ASTN2: variants seen among roughly 807,000 people sequenced by gnomAD.
ASTN2 encodes astrotactin 2, also known as astrotactin-2.
ASTN2 carries 54 observed loss-of-function variants against 139.8 expected under a neutral mutation model. That is an observed-to-expected ratio of 0.39 (90% CI 0.31 to 0.48). The LOEUF is 0.48. Ranked by LOEUF, ASTN2 falls within the 20% of genes least tolerant of loss-of-function variation. The probability of loss-of-function intolerance (pLI) is 0.95; values close to 1 mark genes in which losing one functional copy is unlikely to be tolerated. For synonymous variants in ASTN2, 756 were observed against 719.5 expected (o/e 1.05, Z -0.81); for missense variants, 1,565 against 1,725.1 (o/e 0.91, Z 1.64).
chr9:117,117,840 T>C (rs1165512401), intron 4 of ASTN2, among the ~76,000 whole-genome samples: 2 of 152,164 alleles, frequency 1.3e-5, no homozygotes, highest in Non-Finnish European at 2.9e-5. Flanking sequence ...TCACACTCCA[T>C]CTTTCTTCAG....
At chr9:116,532,792 G>T (rs990619381) in intron 19 of ASTN2, among the ~76,000 whole-genome samples, 1 of 152,216 alleles carries the variant, frequency 6.6e-6, no homozygotes, top group Non-Finnish European at 1.5e-5. Flanking sequence ...AAGTCAGGTA[G>T]TGTGATGCCT....
chr9:116,487,650 T>G (rs1331141551), intron 19 of ASTN2, 150 bp from the exon 20 acceptor site: 5 of 843,006 alleles, frequency 5.9e-6, no homozygotes, highest in Non-Finnish European at 8.8e-6. Context: ...TGAAACAGAT[T>G]TGTATTTAGC....
Position 117,336,447 on chromosome 9 carries a change from G to A in ASTN2, c.443-44934C>T, listed in dbSNP as rs16934520. ...CTGGAACCCTGAGGAATCATCACCCGATGCAGCGCTTCCCTACAGGGACAA... is the reference window on the plus strand; with the variant it reads ...CTGGAACCCTGAGGAATCATCACCCAATGCAGCGCTTCCCTACAGGGACAA... On this transcript the variant is annotated intron_variant, in intron 1 of 22. Transcript: ENST00000313400. Among the ~76,000 whole-genome samples, 1,265 of 152,238 alleles carry A rather than the reference G, an allele frequency of 8.3e-3. 18 individuals carry two copies. Among genetic ancestry groups the A allele is most frequent in the African/African-American group, 0.029 (1,209 of 41,536 alleles).
chr9:117,059,410 G>A (rs879357514), intron 5 of ASTN2, among the ~76,000 whole-genome samples: 3 of 151,934 alleles, frequency 2.0e-5, no homozygotes, highest in Non-Finnish European at 2.9e-5. Context: ...TCAGGAGTTC[G>A]AGAGCAGCCT....
In ASTN2 at chr9:117,175,196, T is replaced by C. The variant is rs560321975; in HGVS notation, c.1016-33718A>G. ...TGTAATACAAGTGAAAAGATACAAT[T>C]TGCAACAGTTGCAGAAATAGTGATG... is the stretch of plus-strand genomic sequence containing the variant. On this transcript the variant is annotated intron_variant, in intron 3 of 22. Transcript: ENST00000313400. 2.0e-5 allele frequency among the ~76,000 whole-genome samples: 3 copies of C among 152,250 alleles called. No homozygotes were observed. The East Asian group carries it at 5.8e-4, about 29-fold the overall frequency.
chr9:117,096,492 G>T (rs561944285), intron 4 of ASTN2, among the ~76,000 whole-genome samples: 1 of 152,164 alleles, frequency 6.6e-6, no homozygotes, highest in Admixed American at 6.5e-5. Context: ...TACCTGGTCC[G>T]CAGTACATCC....
At chr9:117,303,173 A>G (rs1318315325) in intron 1 of ASTN2, among the ~76,000 whole-genome samples, 2 of 152,170 alleles carry the variant, frequency 1.3e-5, no homozygotes, top group Non-Finnish European at 2.9e-5. Flanking sequence ...TTGCTAGATC[A>G]TAAGAGTCTT....
chr9:117,241,780 A>G (rs1833214458), intron 2 of ASTN2, among the ~76,000 whole-genome samples: 1 of 152,078 alleles, frequency 6.6e-6, no homozygotes, highest in Non-Finnish European at 1.5e-5. Context: ...GGACTTGAGT[A>G]GGGTATCATA....
At chr9:116,829,799 A>T (rs1831751161) in intron 11 of ASTN2, among the ~76,000 whole-genome samples, 1 of 152,214 alleles carries the variant, frequency 6.6e-6, no homozygotes, top group African/African-American at 2.4e-5. Flanking sequence ...ATCACTGGTC[A>T]ATAAATGGTA....
At chr9:116,849,981 G>A (rs1475429818) in intron 11 of ASTN2, among the ~76,000 whole-genome samples, 4 of 152,082 alleles carry the variant, frequency 2.6e-5, no homozygotes, top group African/African-American at 4.8e-5. Flanking sequence ...TTGTTGCAGA[G>A]AGCAATTTAA....
chr9:117,180,653 A>G, intron 3 of ASTN2: 3 of 1,399,130 alleles, frequency 2.1e-6, no homozygotes, highest in Non-Finnish European at 2.9e-6. Context: ...TTGGACAGGA[A>G]GTAGAATTTA....
chr9:117,283,685 C>T (rs932022495), intron 2 of ASTN2, among the ~76,000 whole-genome samples: 5 of 152,156 alleles, frequency 3.3e-5, no homozygotes, highest in African/African-American at 1.2e-4. Flanking sequence ...GTTTGCCATC[C>T]TCACATTTTA....
intron 10 of ASTN2, among the ~76,000 whole-genome samples, chr9:116,886,363 T>G (rs1014208994): frequency 3.3e-5 from 5 of 152,252 alleles, no homozygotes; most frequent in African/African-American, 1.2e-4. Flanking sequence ...TGCAATTGTT[T>G]CTTTTTTCTT....
At position 116,424,044 on chromosome 9, in the gene ASTN2, A is replaced by G. The variant is rs1847246136; in HGVS notation, c.*1807T>C. ...AGGTGTCATCTTTGCATTATGATAT[A>G]CCTGACCTACATCCCATCTGCTCAA... On this transcript the variant is annotated 3_prime_UTR_variant, in exon 23 of 23. Coordinates refer to ENST00000313400, the MANE Select transcript of ASTN2 (RefSeq NM_001365068.1). Among the ~76,000 whole-genome samples the G allele has an allele frequency of 6.6e-6, 1 of 152,142 alleles. No individual in the cohort carries two copies. The highest frequency in any genetic ancestry group is 2.4e-5 in the African/African-American group (1 of 41,422).
intron 4 of ASTN2, among the ~76,000 whole-genome samples, chr9:117,128,528 T>A (rs896126617): frequency 1.2e-4 from 18 of 152,258 alleles, no homozygotes; most frequent in African/African-American, 4.1e-4. Flanking sequence ...GAGCCATAAT[T>A]TCTAATCTTG....
chr9:116,932,399 C>A (rs1297916838), intron 10 of ASTN2, among the ~76,000 whole-genome samples: 1 of 152,158 alleles, frequency 6.6e-6, no homozygotes, highest in Non-Finnish European at 1.5e-5. Flanking sequence ...TTGGCTTCCA[C>A]ATTTCCTAAC....
chr9:116,788,909 T>C (rs1347699739), intron 13 of ASTN2, among the ~76,000 whole-genome samples: 1 of 152,208 alleles, frequency 6.6e-6, no homozygotes, highest in African/African-American at 2.4e-5. Context: ...CCCCAGAACC[T>C]GTCACATAAT....
intron 13 of ASTN2, among the ~76,000 whole-genome samples, chr9:116,785,396 C>T (rs1295631784): frequency 6.6e-6 from 1 of 152,184 alleles, no homozygotes; most frequent in African/African-American, 2.4e-5. Flanking sequence ...GTATATCCTA[C>T]TGGCTTCCTG....
chr9:116,573,049 A>G (rs1416485718), intron 19 of ASTN2, among the ~76,000 whole-genome samples: 2 of 152,116 alleles, frequency 1.3e-5, no homozygotes, highest in East Asian at 1.9e-4. Context: ...ATACACACAC[A>G]CACATCAGGA....
Sources: allele counts gnomAD v4.1 joint callset (sites outside exome capture counted in the v4.1 genomes callset), GRCh38; gene constraint gnomAD v4.1.1; transcripts MANE v1.5; gene names NCBI Gene and HGNC (gene_info 2026-07-23, HGNC 2026-07-21).